CACNB2: variants seen among roughly 807,000 people sequenced by gnomAD.
CACNB2 encodes the protein calcium voltage-gated channel auxiliary subunit beta 2, also known as voltage-dependent L-type calcium channel subunit beta-2.
In CACNB2, 42 loss-of-function variants were observed where a neutral mutation model predicts 73.3. That is an observed-to-expected ratio of 0.57 (90% CI 0.45 to 0.74). The LOEUF (loss-of-function observed/expected upper bound fraction) is 0.74, where lower values mean the gene tolerates loss of function less well. CACNB2 is among the 30% of genes least tolerant of loss of function. The pLI, the probability that CACNB2 is intolerant of heterozygous loss-of-function variation, is 0.00. For missense variants in CACNB2, 940 were observed against 853.0 expected (o/e 1.10, Z -1.27); for synonymous variants, 348 against 310.3 (o/e 1.12, Z -1.28).
chr10:18,261,584 G>T (rs1018005319), intron 2 of CACNB2, among the ~76,000 whole-genome samples: 23 of 152,210 alleles, frequency 1.5e-4, no homozygotes, highest in African/African-American at 5.5e-4. Flanking sequence ...GGTTTGAGAA[G>T]TCCATTGTCT....
chr10:18,442,349 C>A (rs1024334670), intron 3 of CACNB2, among the ~76,000 whole-genome samples: 1 of 151,830 alleles, frequency 6.6e-6, no homozygotes, highest in African/African-American at 2.4e-5. Context: ...TGGGTTTCAC[C>A]ATGTGGGCCA....
chr10:18,502,104 C>G (rs1192043520), intron 5 of CACNB2, among the ~76,000 whole-genome samples: 1 of 152,046 alleles, frequency 6.6e-6, no homozygotes, highest in Admixed American at 6.5e-5. Context: ...GTCAGGAGTT[C>G]AAGACGAGCC....
chr10:18,252,887 T>C (rs1412810245), intron 2 of CACNB2, among the ~76,000 whole-genome samples: 2 of 151,576 alleles, frequency 1.3e-5, no homozygotes, highest in East Asian at 1.9e-4. Context: ...AGATGATGGC[T>C]CGGGTGGAAA....
At chr10:18,423,181 A>G (rs1204986728) in intron 3 of CACNB2, among the ~76,000 whole-genome samples, 1 of 152,074 alleles carries the variant, frequency 6.6e-6, no homozygotes, top group Non-Finnish European at 1.5e-5. Flanking sequence ...CTACAATTAC[A>G]TGTGACCTCA....
chr10:18,400,407 A>G (rs555207238), intron 2 of CACNB2, among the ~76,000 whole-genome samples: 12 of 152,192 alleles, frequency 7.9e-5, no homozygotes, highest in Non-Finnish European at 1.8e-4. Context: ...CACGAGCCCG[A>G]TTACTATAGA....
Position 18,515,011 on chromosome 10 carries a change from G to C in CACNB2, c.804+642G>C, listed in dbSNP as rs1391328715. On this transcript the variant is annotated intron_variant, in intron 7 of 13. Coordinates refer to ENST00000324631, the MANE Select transcript of CACNB2 (RefSeq NM_201596.3). ...AATCTGCAGATGAACAAGACCAGTG[G>C]AAAACTGCAGGCTTGTTTTGGCGGT... 4 of 1,613,840 alleles carry C rather than the reference G, an allele frequency of 2.5e-6. No individual in the cohort carries two copies. The South Asian group carries it at 4.4e-5, about 18-fold the overall frequency.
At chr10:18,425,438 A>C (rs926364796) in intron 3 of CACNB2, among the ~76,000 whole-genome samples, 4 of 152,184 alleles carry the variant, frequency 2.6e-5, no homozygotes, top group African/African-American at 7.2e-5. Context: ...AGGCCAAGGC[A>C]GGAGGACTGC....
chr10:18,488,527 A>G (rs2049207861), intron 3 of CACNB2, among the ~76,000 whole-genome samples: 1 of 145,144 alleles, frequency 6.9e-6, no homozygotes. Context: ...ATCGCTGTTG[A>G]TTTCCTGAAC....
At chr10:18,519,030 G>T in intron 9 of CACNB2, 62 bp downstream of exon 9, 1 of 1,385,338 alleles carries the variant, frequency 7.2e-7, no homozygotes, top group South Asian at 1.2e-5. Flanking sequence ...AACGCTGGTG[G>T]GACATGCGTG....
chr10:18,276,377 C>T (rs190701718), intron 2 of CACNB2, among the ~76,000 whole-genome samples: 241 of 152,262 alleles, frequency 1.6e-3, no homozygotes, highest in African/African-American at 5.4e-3. Context: ...ACTACATGGA[C>T]GGCACCCTCA....
intron 1 of CACNB2, 30 bp from the exon 2 acceptor site, chr10:18,150,853 G>GTGTTTTTTTTTTTTTTT: frequency 1.5e-6 from 1 of 655,040 alleles, no homozygotes; most frequent in Non-Finnish European, 2.1e-6. Context: ...AATCTTATTT[G>GTGTTTTTTTTTTTTTTT]TCTTTTTTTT....
At chr10:18,252,888 C>T (rs145997091) in intron 2 of CACNB2, among the ~76,000 whole-genome samples, 5 of 151,688 alleles carry the variant, frequency 3.3e-5, no homozygotes, top group Non-Finnish European at 5.9e-5. Flanking sequence ...GATGATGGCT[C>T]GGGTGGAAAA....
chr10:18,304,642 C>T (rs1165138555), intron 2 of CACNB2, among the ~76,000 whole-genome samples: 1 of 152,184 alleles, frequency 6.6e-6, no homozygotes. Context: ...AGGCAGCGAA[C>T]ACAACCTTGA....
intron 2 of CACNB2, among the ~76,000 whole-genome samples, chr10:18,270,169 C>T (rs544919613): frequency 3.3e-5 from 5 of 152,270 alleles, no homozygotes; most frequent in South Asian, 4.1e-4. Flanking sequence ...ACCTTCTTCA[C>T]GTGGCGGCAG....
intron 2 of CACNB2, among the ~76,000 whole-genome samples, chr10:18,177,005 C>T (rs2033632069): frequency 6.6e-6 from 1 of 152,014 alleles, no homozygotes; most frequent in Non-Finnish European, 1.5e-5. Context: ...GTACCCTCCA[C>T]ATTTTAGGTA....
rs2039530883 is a variant in CACNB2 at position 18,301,880 on chromosome 10, C to T, written c.214-100044C>T. ...GCCAGGCTGGTCTCGATCTCCTGACCTCGTGATCCTCCCACCTTGGCCCCC... is the reference window on the plus strand; with the variant it reads ...GCCAGGCTGGTCTCGATCTCCTGACTTCGTGATCCTCCCACCTTGGCCCCC... On this transcript the variant is annotated intron_variant, in intron 2 of 13. Coordinates refer to ENST00000324631, the MANE Select transcript of CACNB2 (RefSeq NM_201596.3). Among the ~76,000 whole-genome samples the T allele has an allele frequency of 4.6e-5, 7 of 152,102 alleles. No homozygotes were observed. In the South Asian group the frequency reaches 1.4e-3, roughly 32 times the overall value.
At chr10:18,364,133 A>G (rs1482322234) in intron 2 of CACNB2, among the ~76,000 whole-genome samples, 2 of 151,126 alleles carry the variant, frequency 1.3e-5, no homozygotes, top group East Asian at 3.9e-4. Context: ...TTCAGTGGAG[A>G]TGGGGTTTTG....
At chr10:18,511,637 G>A (rs1325196488) in intron 6 of CACNB2, among the ~76,000 whole-genome samples, 1 of 152,166 alleles carries the variant, frequency 6.6e-6, no homozygotes, top group Admixed American at 6.5e-5. Flanking sequence ...ATGCTTTCCT[G>A]CAGTGAGTAA....
intron 2 of CACNB2, among the ~76,000 whole-genome samples, chr10:18,253,417 C>A (rs1249385819): frequency 6.6e-6 from 1 of 152,106 alleles, no homozygotes; most frequent in Non-Finnish European, 1.5e-5. Context: ...TTTATGGCAA[C>A]TTCAGAGAAA....
Sources: allele counts gnomAD v4.1 joint callset (sites outside exome capture counted in the v4.1 genomes callset), GRCh38; gene constraint gnomAD v4.1.1; transcripts MANE v1.5; gene names NCBI Gene and HGNC (gene_info 2026-07-23, HGNC 2026-07-21).